The following GRIK4 variants were observed in gnomAD, a reference collection of about 807,000 sequenced individuals.
The protein encoded by GRIK4 is glutamate receptor ionotropic, kainate 4.
Under a neutral mutation model 104.9 loss-of-function variants are expected in GRIK4, and 40 were observed. The observed-to-expected ratio is 0.38, with a 90% confidence interval of 0.30 to 0.50. The LOEUF (loss-of-function observed/expected upper bound fraction) is 0.50. Among genes scored for constraint, GRIK4 ranks in the 20% least tolerant of loss-of-function variants. The probability of loss-of-function intolerance (pLI) is 0.93; values close to 1 mark genes in which losing one functional copy is unlikely to be tolerated. For synonymous variants in GRIK4, 485 were observed against 524.9 expected (o/e 0.92, Z 1.04); for missense variants, 1,047 against 1,308.1 (o/e 0.80, Z 3.08).
rs559307039 is a variant in GRIK4, at chr11:120,747,881, A to G, written c.83-54812A>G. Among the ~76,000 whole-genome samples the G allele has an allele frequency of 1.2e-4, 19 of 152,344 alleles. No individual in the cohort carries two copies. The South Asian group carries it at 2.9e-3, about 23-fold the overall frequency. ...CTATGCACACACACACCAGTTTTCA[A>G]GCCTCACCCTCTCCAAGTGTGCTCT... On this transcript the variant is annotated intron_variant, in intron 3 of 20. Transcript: ENST00000527524.
chr11:120,624,201 A>C (rs530042392), intron 1 of GRIK4, among the ~76,000 whole-genome samples: 1 of 152,296 alleles, frequency 6.6e-6, no homozygotes, highest in South Asian at 2.1e-4. Context: ...ATCTCATCAC[A>C]CTACTTTAAC....
intron 1 of GRIK4, among the ~76,000 whole-genome samples, chr11:120,522,567 C>T (rs900147853): frequency 3.9e-5 from 6 of 152,152 alleles, no homozygotes; most frequent in African/African-American, 9.6e-5. Context: ...GTGATCCGCC[C>T]GCCTTGGCCT....
At chr11:120,588,612 A>G (rs1565562696) in intron 1 of GRIK4, among the ~76,000 whole-genome samples, 1 of 152,168 alleles carries the variant, frequency 6.6e-6, no homozygotes, top group Admixed American at 6.5e-5. Context: ...CAGGAGGTCA[A>G]GGGTGTAAGT....
chr11:120,776,131 C>G (rs537831082), intron 3 of GRIK4, among the ~76,000 whole-genome samples: 2 of 152,354 alleles, frequency 1.3e-5, no homozygotes, highest in African/African-American at 4.8e-5. Flanking sequence ...TAAACCTGCC[C>G]AGAAACATCT....
chr11:120,681,381 C>A (rs942267049), intron 3 of GRIK4, among the ~76,000 whole-genome samples: 3 of 152,120 alleles, frequency 2.0e-5, no homozygotes, highest in African/African-American at 7.2e-5. Context: ...AGGTCCTGCC[C>A]AGCCTGGGAT....
At position 120,940,266 on chromosome 11, in the gene GRIK4, C is replaced by A; in HGVS notation, c.1477-81C>A. 1 of 783,372 alleles carries A rather than the reference C, an allele frequency of 1.3e-6. No homozygotes were observed. Among genetic ancestry groups the A allele is most frequent in the Middle Eastern group, 2.4e-4 (1 of 4,174 alleles). The allele number at this position is 783,372 out of a possible 1,614,324, so 48.5% of individuals were successfully genotyped here. ...CAGACCAGCATCACATCTCCAATAG[C>A]AGTGACGGTTGCTGGTCGCAAGTCT... On this transcript the variant is annotated intron_variant, in intron 13 of 20. Transcript: ENST00000527524. The surrounding 1 kb of genome is among the most constrained non-coding windows in gnomAD (Gnocchi z 4.3).
chr11:120,862,145 TG>T, intron 9 of GRIK4, 25 bp downstream of exon 9: 4 of 1,606,568 alleles, frequency 2.5e-6, no homozygotes, highest in Non-Finnish European at 3.4e-6. Context: ...GAGCTCTTCC[TG>T]GTGCCCCTTG....
At chr11:120,753,152 A>G (rs1206485218) in intron 3 of GRIK4, among the ~76,000 whole-genome samples, 1 of 152,242 alleles carries the variant, frequency 6.6e-6, no homozygotes, top group South Asian at 2.1e-4. Context: ...AAAGCTCTGG[A>G]GTTTTGCCCA....
At chr11:120,833,637 TA>T (rs1043542960) in intron 7 of GRIK4, among the ~76,000 whole-genome samples, 4 of 152,246 alleles carry the variant, frequency 2.6e-5, no homozygotes, top group African/African-American at 9.6e-5. Context: ...GTTGCACTAT[TA>T]TTTTTTTTAT....
At chr11:120,814,817 G>A (rs1035425027) in intron 4 of GRIK4, among the ~76,000 whole-genome samples, 13 of 152,156 alleles carry the variant, frequency 8.5e-5, no homozygotes, top group South Asian at 6.2e-4. Context: ...ACTTCTTTCT[G>A]CCTCTCGCTT....
At chr11:120,965,175 A>G (rs1944362239) in intron 18 of GRIK4, among the ~76,000 whole-genome samples, 1 of 152,230 alleles carries the variant, frequency 6.6e-6, no homozygotes, top group African/African-American at 2.4e-5. Flanking sequence ...CAGAACAAGG[A>G]ACAAGATGGA....
intron 1 of GRIK4, among the ~76,000 whole-genome samples, chr11:120,638,699 A>T (rs1949430850): frequency 6.6e-6 from 1 of 151,544 alleles, no homozygotes; most frequent in Non-Finnish European, 1.5e-5. Flanking sequence ...GGATGGTCTC[A>T]ATCTCCTGAC....
chr11:120,841,339 G>A (rs1012056550), intron 8 of GRIK4, among the ~76,000 whole-genome samples: 1 of 152,098 alleles, frequency 6.6e-6, no homozygotes, highest in African/African-American at 2.4e-5. Context: ...ACTACTCTAG[G>A]TATTTCATAT....
chr11:120,941,717 C>T (rs902206207), intron 14 of GRIK4, among the ~76,000 whole-genome samples: 1 of 152,094 alleles, frequency 6.6e-6, no homozygotes, highest in African/African-American at 2.4e-5. Context: ...TGGAGTGATG[C>T]ATTTACAAGC....
chr11:120,819,779 G>C lies in GRIK4; in HGVS notation c.370G>C (p.Glu124Gln), dbSNP rs772712833. 1 of 1,614,160 alleles carries C rather than the reference G, an allele frequency of 6.2e-7. No individual in the cohort carries two copies. The stretch of plus-strand genomic sequence containing the variant: ...GGTCCCTCACTTCAAAGTGGCCCCA[G>C]AGGAGTTCGTCAAGTTCCAGTTCCA... ...KEVPHFKVAP[E>Q]EFVKFQFQRF... is the part of the protein sequence containing the mutation. The change falls in exon 6 of 21, where the codon GAG becomes CAG. Residue 124 changes from glutamate to glutamine, a missense_variant. Coordinates refer to ENST00000527524, the MANE Select transcript of GRIK4 (RefSeq NM_014619.5). This position sits in a 1 kb window ranked among gnomAD's most constrained non-coding sequence, Gnocchi z 4.3.
At chr11:120,712,511 C>T (rs768752003) in intron 3 of GRIK4, among the ~76,000 whole-genome samples, 24 of 152,110 alleles carry the variant, frequency 1.6e-4, no homozygotes, top group Middle Eastern at 3.4e-3. Flanking sequence ...CCTCTGACCA[C>T]GCACGGTGGC....
chr11:120,667,887 C>G (rs1949943429), intron 3 of GRIK4, among the ~76,000 whole-genome samples: 1 of 152,236 alleles, frequency 6.6e-6, no homozygotes. Context: ...ATGCTCAACC[C>G]TGACTGGAGG....
At chr11:120,921,801 A>G (rs1317166957) in intron 13 of GRIK4, among the ~76,000 whole-genome samples, 1 of 152,078 alleles carries the variant, frequency 6.6e-6, no homozygotes, top group Non-Finnish European at 1.5e-5. Context: ...CCAGTCTCCA[A>G]TTTTGTTCTC....
chr11:120,980,703 C>T (rs1056827162), intron 19 of GRIK4, among the ~76,000 whole-genome samples: 1 of 152,116 alleles, frequency 6.6e-6, no homozygotes, highest in African/African-American at 2.4e-5. Context: ...ACAGGATTCC[C>T]ACATTCACAC....
Sources: gnomAD v4.1 joint callset for allele counts (sites outside exome capture counted in the v4.1 genomes callset) on GRCh38, gnomAD v4.1.1 for gene constraint, Gnocchi (gnomAD v3.1) non-coding constraint, MANE v1.5 for transcripts, NCBI Gene and HGNC (gene_info 2026-07-23, HGNC 2026-07-21) for gene names.